The following RAD51 variants were observed in gnomAD, a reference collection of about 807,000 sequenced individuals.
RAD51 encodes the protein DNA repair protein RAD51 homolog 1.
In RAD51, 14 loss-of-function variants were observed where a neutral mutation model predicts 41.5. That is an observed-to-expected ratio of 0.34 (90% CI 0.22 to 0.53). The LOEUF is 0.53. Ranked by LOEUF, RAD51 falls within the 20% of genes least tolerant of loss-of-function variation. RAD51 has a pLI of 0.95. For synonymous variants in RAD51, 136 were observed against 148.6 expected, an observed-to-expected ratio of 0.92 and a Z score of 0.62; for missense variants, 234 against 422.0, an observed-to-expected ratio of 0.55 and a Z score of 3.90.
chr15:40,704,362 C>T (rs1288612168), intron 3 of RAD51, among the ~76,000 whole-genome samples: 1 of 142,404 alleles, frequency 7.0e-6, no homozygotes, highest in Non-Finnish European at 1.5e-5. Context: ...CCGCGCCAGG[C>T]CTTTTTTTTT....
At chr15:40,727,309 G>A (rs1479809252) in intron 6 of RAD51, among the ~76,000 whole-genome samples, 3 of 151,180 alleles carry the variant, frequency 2.0e-5, no homozygotes, top group Non-Finnish European at 2.9e-5. Flanking sequence ...TTTTTTGTTC[G>A]TTTGTTTGTT....
chr15:40,708,954 A>G, intron 4 of RAD51, 71 bp from the exon 5 acceptor site: 1 of 1,314,092 alleles, frequency 7.6e-7, no homozygotes, highest in Non-Finnish European at 1.1e-6. Flanking sequence ...ATGAGCTCCA[A>G]GAACATTTCT....
intron 1 of RAD51, among the ~76,000 whole-genome samples, chr15:40,696,740 T>C (rs1894662990): frequency 6.6e-6 from 1 of 152,240 alleles, no homozygotes; most frequent in Admixed American, 6.5e-5. Context: ...GTGTTGAGTG[T>C]TTCGTTGTTT....
rs1046964900 is a variant in RAD51, at chr15:40,731,260, C to T, written c.*82C>T. The T allele has an allele frequency of 4.3e-5, 68 of 1,570,806 alleles. No homozygotes were observed. The highest frequency in any genetic ancestry group is 1.4e-4 in the South Asian group (13 of 89,718). On this transcript the variant is annotated 3_prime_UTR_variant, in exon 10 of 10. Transcript: ENST00000267868. ...ACTGCTCCCTGGGGTTCTCTACAGG[C>T]CTCTTCCTGTTGTGACTGCCAGGAT...
At chr15:40,724,677 T>TTC (rs1555429028) in intron 6 of RAD51, among the ~76,000 whole-genome samples, 1 of 110,966 alleles carries the variant, frequency 9.0e-6, no homozygotes, top group African/African-American at 3.5e-5. Flanking sequence ...TTTATTTCTT[T>TTC]TTTTTTTTTT....
At chr15:40,700,384 G>T (rs1004990363) in intron 2 of RAD51, among the ~76,000 whole-genome samples, 9 of 152,188 alleles carry the variant, frequency 5.9e-5, no homozygotes, top group Non-Finnish European at 1.3e-4. Context: ...AAAAAGTATT[G>T]ACAGGCCAAG....
At chr15:40,695,637 T>G (rs1894572533) in intron 1 of RAD51, 1 of 152,212 alleles carries the variant, frequency 6.6e-6, no homozygotes, top group African/African-American at 2.4e-5. Flanking sequence ...GGGAGAAACA[T>G]TAGAGCCTTT....
In RAD51 at chr15:40,698,747, T is replaced by C; in HGVS notation, c.-2-10T>C. On this transcript the variant is annotated splice_polypyrimidine_tract_variant and intron_variant, in intron 1 of 9. Coordinates refer to ENST00000267868, the MANE Select transcript of RAD51 (RefSeq NM_002875.5). ...TAGTGTTTATACTGATAAGCATTTGTATTTTTCAGTAATGGCAATGCAGAT... is the reference window on the plus strand; with the variant it reads ...TAGTGTTTATACTGATAAGCATTTGCATTTTTCAGTAATGGCAATGCAGAT... The C allele has an allele frequency of 1.2e-6, 2 of 1,611,070 alleles. No individual in the cohort carries two copies. The highest frequency in any genetic ancestry group is 1.7e-6 in the Non-Finnish European group (2 of 1,177,264).
chr15:40,722,238 C>T (rs982172394), intron 6 of RAD51, among the ~76,000 whole-genome samples: 5 of 151,924 alleles, frequency 3.3e-5, no homozygotes, highest in African/African-American at 1.2e-4. Flanking sequence ...ATGGTGAATC[C>T]CCGTCACTAC....
rs1894952734 is a variant in RAD51, at chr15:40,701,015, G to A, written c.88-49G>A. ...TGTAGGACACATAACATCTGTGTTAGATTAGAGAACTAAAGCTTAAATTTA... is the reference window on the plus strand; with the variant it reads ...TGTAGGACACATAACATCTGTGTTAAATTAGAGAACTAAAGCTTAAATTTA... On this transcript the variant is annotated intron_variant, in intron 2 of 9. Transcript: ENST00000267868. 5.6e-6 allele frequency: 9 copies of A among 1,604,778 alleles called. No homozygotes were observed. The South Asian group carries it at 9.9e-5, about 18-fold the overall frequency.
At chr15:40,699,256 G>A (rs1223161478) in intron 2 of RAD51, among the ~76,000 whole-genome samples, 2 of 152,160 alleles carry the variant, frequency 1.3e-5, no homozygotes, top group Non-Finnish European at 2.9e-5. Flanking sequence ...CGATTCTCCT[G>A]CCTCAGCCTC....
chr15:40,706,812 C>T (rs1223704360), intron 4 of RAD51, among the ~76,000 whole-genome samples: 1 of 152,144 alleles, frequency 6.6e-6, no homozygotes, highest in Admixed American at 6.6e-5. Context: ...AATTTAGTCT[C>T]CATTTAATAT....
intron 6 of RAD51, among the ~76,000 whole-genome samples, chr15:40,722,336 C>G (rs895851570): frequency 2.0e-5 from 3 of 151,688 alleles, no homozygotes; most frequent in Non-Finnish European, 4.4e-5. Context: ...TCGCTTGAAC[C>G]TGGGAGGTGG....
At chr15:40,710,836 C>T (rs1337073459) in intron 5 of RAD51, among the ~76,000 whole-genome samples, 1 of 152,156 alleles carries the variant, frequency 6.6e-6, no homozygotes, top group Non-Finnish European at 1.5e-5. Flanking sequence ...TTACCATCTC[C>T]TGCCACCTTC....
At chr15:40,698,266 G>A (rs1894777287) in intron 1 of RAD51, among the ~76,000 whole-genome samples, 1 of 149,894 alleles carries the variant, frequency 6.7e-6, no homozygotes, top group Non-Finnish European at 1.5e-5. Context: ...TCGGCTCACT[G>A]CGATCTCTGT....
At chr15:40,711,518 G>A (rs1895704706) in intron 5 of RAD51, among the ~76,000 whole-genome samples, 1 of 152,206 alleles carries the variant, frequency 6.6e-6, no homozygotes, top group Non-Finnish European at 1.5e-5. Context: ...TGTCACAGAG[G>A]AAATGGGTTA....
At chr15:40,716,519 C>G (rs1446250067) in intron 5 of RAD51, among the ~76,000 whole-genome samples, 1 of 152,026 alleles carries the variant, frequency 6.6e-6, no homozygotes, top group Non-Finnish European at 1.5e-5. Flanking sequence ...GTGTGCACCA[C>G]CACGCCCCAC....
chr15:40,700,799 CA>C lies in RAD51; in HGVS notation c.88-257del, dbSNP rs139437666. ...ATCAAAAATTCAATCAACTACATAT[CA>C]AAAAAAAGTATACAGGAGGATGTAC... On this transcript the variant is annotated intron_variant, in intron 2 of 9. Coordinates refer to ENST00000267868, the MANE Select transcript of RAD51 (RefSeq NM_002875.5). 0.092 allele frequency among the ~76,000 whole-genome samples: 13,905 copies of C among 151,782 alleles called. 904 individuals carry two copies. Among genetic ancestry groups the C allele is most frequent in the Non-Finnish European group, 0.14 (9,208 of 67,896 alleles).
intron 1 of RAD51, among the ~76,000 whole-genome samples, chr15:40,696,076 C>T (rs1894607550): frequency 6.6e-6 from 1 of 152,016 alleles, no homozygotes; most frequent in Non-Finnish European, 1.5e-5. Flanking sequence ...CGGGGTTTCA[C>T]CATGTTGGTC....
Sources: allele counts gnomAD v4.1 joint callset (sites outside exome capture counted in the v4.1 genomes callset), GRCh38; gene constraint gnomAD v4.1.1; transcripts MANE v1.5; gene names NCBI Gene and HGNC (gene_info 2026-07-23, HGNC 2026-07-21).